Variants in DPYSL4 observed in about 807,000 individuals in gnomAD.
The protein encoded by DPYSL4 is dihydropyrimidinase-related protein 4.
Under a neutral mutation model 63.4 loss-of-function variants are expected in DPYSL4, and 43 were observed. That is an observed-to-expected ratio of 0.68 (90% CI 0.53 to 0.88). The LOEUF (loss-of-function observed/expected upper bound fraction) is 0.88. Ranked by LOEUF, DPYSL4 falls within the 40% of genes least tolerant of loss-of-function variation. The pLI is 0.00. For missense variants in DPYSL4, 733 were observed against 819.5 expected, an observed-to-expected ratio of 0.89 and a Z score of 1.29; for synonymous variants, 353 against 331.7, an observed-to-expected ratio of 1.06 and a Z score of -0.70.
chr10:132,205,118 G>A lies in DPYSL4; in HGVS notation c.*188G>A, dbSNP rs887452453. On this transcript the variant is annotated 3_prime_UTR_variant, in exon 14 of 14. Transcript: ENST00000338492. ...GGTCCTGCTGCCAAGAGCCCCTCAA[G>A]AGAAGGGCTGAACCTGGGGAGATGT... is the stretch of plus-strand genomic sequence containing the variant. 1.1e-5 allele frequency: 5 copies of A among 461,170 alleles called. No homozygotes were observed. Among genetic ancestry groups the A allele is most frequent in the African/African-American group, 2.0e-5 (1 of 49,872 alleles). 28.6% of individuals were successfully genotyped at this position (461,170 alleles called of 1,614,324 possible).
At chr10:132,200,115 A>G (rs540857162) in intron 8 of DPYSL4, among the ~76,000 whole-genome samples, 8 of 152,234 alleles carry the variant, frequency 5.3e-5, no homozygotes, top group Admixed American at 2.6e-4. Context: ...GGGCAGAGAG[A>G]GGACTTGGCG....
chr10:132,205,704 G>A lies in DPYSL4; in HGVS notation c.*774G>A, dbSNP rs530547706. ...GTGCATGCCACCCACCGCCTGGACA[G>A]GCAGTCATCCTGCCTCTGATGTGAA... is the stretch of plus-strand genomic sequence containing the variant. On this transcript the variant is annotated 3_prime_UTR_variant, in exon 14 of 14. Transcript: ENST00000338492. The A allele has an allele frequency of 1.3e-5, 2 of 152,382 alleles. No individual in the cohort carries two copies. The highest frequency in any genetic ancestry group is 3.9e-4 in the East Asian group (2 of 5,170). The allele number at this position is 152,382 out of a possible 1,614,324, so 9.4% of individuals were successfully genotyped here. A position where few individuals can be genotyped will look rare whatever the true frequency, so the allele number is the denominator to read the frequency against.
rs562167221 is a variant in DPYSL4, at chr10:132,198,578, C to T, written c.690+95C>T. On this transcript the variant is annotated intron_variant, in intron 7 of 13. Coordinates refer to ENST00000338492, the MANE Select transcript of DPYSL4 (RefSeq NM_006426.3). ...TGACCCTGGCCCTGGGCTCCTGGCCCTGCCACTGTGCTCGCCCCGACCTCA... is the reference window on the plus strand; with the variant it reads ...TGACCCTGGCCCTGGGCTCCTGGCCTTGCCACTGTGCTCGCCCCGACCTCA... 93 of 1,316,964 alleles carry T rather than the reference C, an allele frequency of 7.1e-5. 1 individual carries two copies. In the South Asian group the frequency reaches 1.1e-3, roughly 16 times the overall value. The allele number at this position is 1,316,964 out of a possible 1,614,324, so 81.6% of individuals were successfully genotyped here.
rs565018093 is a variant in DPYSL4 at position 132,195,496 on chromosome 10, G to C, written c.478+487G>C. Among the ~76,000 whole-genome samples, 24 of 152,274 alleles carry C rather than the reference G, an allele frequency of 1.6e-4. 3 individuals are homozygous for C. In the South Asian group the frequency reaches 3.7e-3, roughly 24 times the overall value. ...ACAAGTGGCATATCTGATTATAGCC[G>C]ATCTCTCCTAATCTGAGTCCGGCCC... On this transcript the variant is annotated intron_variant, in intron 4 of 13. Transcript: ENST00000338492.
chr10:132,192,052 G>A (rs1358983358), intron 2 of DPYSL4, among the ~76,000 whole-genome samples: 1 of 102,474 alleles, frequency 9.8e-6, no homozygotes, highest in Admixed American at 1.1e-4. Context: ...GTGGTATCCA[G>A]GCAGGTGAAA....
intron 8 of DPYSL4, among the ~76,000 whole-genome samples, chr10:132,199,781 A>C (rs1411540982): frequency 1.3e-5 from 2 of 151,166 alleles, no homozygotes; most frequent in African/African-American, 4.9e-5. Flanking sequence ...TGGGAAAAGG[A>C]CTCTGAGGCG....
Position 132,201,986 on chromosome 10 carries a change from C to T in DPYSL4, c.1151C>T (p.Thr384Ile). Reference protein sequence around the residue: ...KMDENEFVAVTSTNAAKIFNF... With the variant: ...KMDENEFVAVISTNAAKIFNF... ...GACGAGAATGAGTTCGTCGCGGTGA[C>T]CAGTACAAATGCTGCCAAAATCTTC... Residue 384 changes from threonine to isoleucine, a missense_variant, in exon 11 of 14, where the codon ACC becomes ATC. Coordinates refer to ENST00000338492, the MANE Select transcript of DPYSL4 (RefSeq NM_006426.3). The T allele has an allele frequency of 6.2e-7, 1 of 1,613,324 alleles. No homozygotes were observed. Among genetic ancestry groups the T allele is most frequent in the Non-Finnish European group, 8.5e-7 (1 of 1,179,954 alleles).
In DPYSL4 at chr10:132,201,711, G is replaced by A. The variant is rs549989053; in HGVS notation, c.1111-235G>A. On this transcript the variant is annotated intron_variant, in intron 10 of 13. Transcript: ENST00000338492. Reference sequence around the variant, plus strand: ...GTGGCACTCTAGTGCCCGTCTTCACGGGGGCCTGGTATCCGTCTTTGTGGG... The same window carrying A: ...GTGGCACTCTAGTGCCCGTCTTCACAGGGGCCTGGTATCCGTCTTTGTGGG... 5.9e-5 allele frequency among the ~76,000 whole-genome samples: 9 copies of A among 152,328 alleles called. No individual in the cohort carries two copies. The South Asian group carries it at 6.2e-4, about 11-fold the overall frequency.
rs2061801638 is a variant in DPYSL4 at position 132,187,015 on chromosome 10, CCGCCCGCCCCCGCTTGTGCCGCCCCT to C, written c.-48_-23del. On this transcript the variant is annotated 5_prime_UTR_variant, in exon 1 of 14. Coordinates refer to ENST00000338492, the MANE Select transcript of DPYSL4 (RefSeq NM_006426.3). ...CGCGTCCCCCCGCCCGCCCGCCCGC[CCGCCCGCCCCCGCTTGTGCCGCCCCT>C]ACCAGAGACCCCCAGGAGCAGGATG... 1 of 221,782 alleles carries C rather than the reference CCGCCCGCCCCCGCTTGTGCCGCCCCT, an allele frequency of 4.5e-6. No homozygotes were observed. The highest frequency in any genetic ancestry group is 3.3e-5 in the African/African-American group (1 of 30,310). 13.7% of individuals were successfully genotyped at this position (221,782 alleles called of 1,614,324 possible). A position where few individuals can be genotyped will look rare whatever the true frequency, so the allele number is the denominator to read the frequency against.
At position 132,187,116 on chromosome 10, in the gene DPYSL4, C is replaced by A; in HGVS notation, c.39+14C>A. ...CCCCGGATCACGGTGAGCCCGGTCC[C>A]GCTTCGCCCGGCGCCCCCTGCCCGC... On this transcript the variant is annotated intron_variant, in intron 1 of 13. Transcript: ENST00000338492. The A allele has an allele frequency of 6.5e-7, 1 of 1,527,964 alleles. No homozygotes were observed. The highest frequency in any genetic ancestry group is 8.8e-7 in the Non-Finnish European group (1 of 1,133,082). The allele number at this position is 1,527,964 out of a possible 1,614,324, so 94.7% of individuals were successfully genotyped here.
Position 132,198,904 on chromosome 10 carries a change from C to A in DPYSL4, c.744C>A (p.Cys248Ter), listed in dbSNP as rs745368952. 1.2e-6 allele frequency: 2 copies of A among 1,612,980 alleles called. No individual in the cohort carries two copies. The highest frequency in any genetic ancestry group is 1.7e-6 in the Non-Finnish European group (2 of 1,179,934). The change falls in exon 8 of 14, where the codon TGC becomes TGA. Residue 248 changes from cysteine (C) to a stop codon, truncating the protein, a stop_gained. Coordinates refer to ENST00000338492, the MANE Select transcript of DPYSL4 (RefSeq NM_006426.3). LOFTEE classifies it high-confidence loss of function. Reference sequence around the variant, plus strand: ...TCACCATCGCCAAGCAGGCAAACTGCCCGCTGTACGTCACCAAGGTGATGA... The same window carrying A: ...TCACCATCGCCAAGCAGGCAAACTGACCGCTGTACGTCACCAAGGTGATGA... The part of the protein sequence containing the change: ...RAVTIAKQAN[C>*]PLYVTKVMSK...
chr10:132,201,150 G>A (rs966811987), intron 10 of DPYSL4, among the ~76,000 whole-genome samples, 167 bp downstream of exon 10: 3 of 152,128 alleles, frequency 2.0e-5, no homozygotes, highest in East Asian at 3.9e-4. Context: ...TCAGACACGT[G>A]GTTCTGGCCC....
chr10:132,196,556 G>C (rs2061947615), intron 4 of DPYSL4, among the ~76,000 whole-genome samples: 1 of 152,374 alleles, frequency 6.6e-6, no homozygotes, highest in African/African-American at 2.4e-5. Context: ...CCAGTAACGG[G>C]GGGTCTGCTG....
chr10:132,198,829 A>C (rs893020372), intron 7 of DPYSL4, 22 bp from the exon 8 acceptor site: 1 of 1,612,312 alleles, frequency 6.2e-7, no homozygotes, highest in Non-Finnish European at 8.5e-7. Flanking sequence ...GTGTGGCCTC[A>C]TCCCTCTCAT....
At position 132,200,771 on chromosome 10, in the gene DPYSL4, G is replaced by C. The variant is rs548334490; in HGVS notation, c.969-71G>C. ...TAGCCCCTGCGGCTGTGCTGGCCAA[G>C]GGGGCTGGAGCTGACCTGGCCTCTG... On this transcript the variant is annotated intron_variant, in intron 9 of 13. Coordinates refer to ENST00000338492, the MANE Select transcript of DPYSL4 (RefSeq NM_006426.3). The C allele has an allele frequency of 3.5e-4, 549 of 1,562,130 alleles. 1 individual carries two copies. Among genetic ancestry groups the C allele is most frequent in the Non-Finnish European group, 1.2e-4 (134 of 1,155,224 alleles).
chr10:132,199,049 T>C, intron 8 of DPYSL4, 78 bp downstream of exon 8: 1 of 1,539,872 alleles, frequency 6.5e-7, no homozygotes, highest in South Asian at 1.2e-5. Flanking sequence ...GAGATGCAGG[T>C]TCCCTGAGTC....
intron 1 of DPYSL4, among the ~76,000 whole-genome samples, chr10:132,187,903 T>G (rs1455661886): frequency 5.3e-5 from 8 of 152,036 alleles, no homozygotes; most frequent in Admixed American, 5.2e-4. Context: ...CGGCAGGACC[T>G]GGGCGGGGGA....
chr10:132,204,983 GC>G lies in DPYSL4; in HGVS notation c.*57del. The G allele has an allele frequency of 6.8e-7, 1 of 1,468,788 alleles. No homozygotes were observed. Among genetic ancestry groups the G allele is most frequent in the Non-Finnish European group, 9.2e-7 (1 of 1,083,880 alleles). The allele number at this position is 1,468,788 out of a possible 1,614,324, so 91.0% of individuals were successfully genotyped here. A position where few individuals can be genotyped will look rare whatever the true frequency, so the allele number is the denominator to read the frequency against. On this transcript the variant is annotated 3_prime_UTR_variant, in exon 14 of 14. Coordinates refer to ENST00000338492, the MANE Select transcript of DPYSL4 (RefSeq NM_006426.3). ...GCTGGCCCCACCCGAGGCCGCGGGG[GC>G]CCCAGGGCACTCGCCCCCCTCCTTA...
chr10:132,194,267 C>G (rs1384356874), intron 3 of DPYSL4, among the ~76,000 whole-genome samples: 15 of 152,244 alleles, frequency 9.9e-5, no homozygotes, highest in Non-Finnish European at 2.2e-4. Flanking sequence ...TGGCTTGGAG[C>G]TGTGTCTGGC....
Sources: gnomAD v4.1 joint callset for allele counts (sites outside exome capture counted in the v4.1 genomes callset) on GRCh38, gnomAD v4.1.1 for gene constraint, MANE v1.5 for transcripts, NCBI Gene and HGNC (gene_info 2026-07-23, HGNC 2026-07-21) for gene names.